HDAC9: variants seen among roughly 807,000 people sequenced by gnomAD.
HDAC9 encodes the protein MEF-2 interacting transcription repressor (MITR) protein.
Under a neutral mutation model 139.4 loss-of-function variants are expected in HDAC9, and 41 were observed. The ratio of observed to expected loss-of-function variants is 0.29; its 90% confidence interval spans 0.23 to 0.38. The LOEUF (loss-of-function observed/expected upper bound fraction) is 0.38. HDAC9 is among the 10% of genes least tolerant of loss of function. The pLI, the probability that HDAC9 is intolerant of heterozygous loss-of-function variation, is 1.00. For synonymous variants in HDAC9, 517 were observed against 476.2 expected (o/e 1.09, Z -1.12); for missense variants, 1,147 against 1,297.0 (o/e 0.88, Z 1.78).
At chr7:18,314,322 C>G (rs1260815410) in intron 1 of HDAC9, among the ~76,000 whole-genome samples, 2 of 152,144 alleles carry the variant, frequency 1.3e-5, no homozygotes, top group African/African-American at 4.8e-5. Context: ...GTTTCTAAAC[C>G]AAACCTATAA....
rs567403042 is a variant in HDAC9 at position 18,351,591 on chromosome 7, G to A, written c.-42+61076G>A. Among the ~76,000 whole-genome samples, 22 of 152,220 alleles carry A rather than the reference G, an allele frequency of 1.4e-4. No individual in the cohort carries two copies. In the East Asian group the frequency reaches 2.7e-3, roughly 19 times the overall value. On this transcript the variant is annotated intron_variant, in intron 1 of 3. Transcript: ENST00000413509. ...AAGTGAGGAAGTTAGGAACCAGGACGCTGAAGCTAAACTGAAGTTGAATCT... is the reference window on the plus strand; with the variant it reads ...AAGTGAGGAAGTTAGGAACCAGGACACTGAAGCTAAACTGAAGTTGAATCT...
intron 17 of HDAC9, among the ~76,000 whole-genome samples, chr7:18,802,787 T>C (rs911534998): frequency 1.3e-5 from 2 of 151,730 alleles, no homozygotes; most frequent in African/African-American, 4.8e-5. Context: ...ATTATATTTA[T>C]GATATTAATA....
At chr7:18,368,889 G>A (rs1287215336) in intron 1 of HDAC9, among the ~76,000 whole-genome samples, 1 of 152,046 alleles carries the variant, frequency 6.6e-6, no homozygotes, top group Non-Finnish European at 1.5e-5. Context: ...CCTGATGCTT[G>A]AATATATTGC....
At chr7:18,708,773 C>T (rs1784125078) in intron 12 of HDAC9, among the ~76,000 whole-genome samples, 2 of 152,122 alleles carry the variant, frequency 1.3e-5, no homozygotes, top group Middle Eastern at 3.2e-3. Context: ...GCTGATGTCT[C>T]TATGGACTCT....
At chr7:18,656,201 C>A (rs1791102673) in intron 11 of HDAC9, among the ~76,000 whole-genome samples, 1 of 152,034 alleles carries the variant, frequency 6.6e-6, no homozygotes, top group South Asian at 2.1e-4. Flanking sequence ...CCTCTTCCTG[C>A]AGGCAGAATT....
chr7:18,922,174 T>C (rs1027467656), intron 22 of HDAC9, among the ~76,000 whole-genome samples: 17 of 151,954 alleles, frequency 1.1e-4, no homozygotes, highest in African/African-American at 4.1e-4. Flanking sequence ...CACATGTATA[T>C]ATATGTAACA....
At chr7:18,365,435 C>T (rs1784105249) in intron 1 of HDAC9, among the ~76,000 whole-genome samples, 1 of 152,044 alleles carries the variant, frequency 6.6e-6, no homozygotes, top group South Asian at 2.1e-4. Context: ...TTCACCATCC[C>T]TGGTATAAAG....
At chr7:18,456,724 G>A (rs1203835458) in intron 1 of HDAC9, among the ~76,000 whole-genome samples, 2 of 152,094 alleles carry the variant, frequency 1.3e-5, no homozygotes, top group Non-Finnish European at 2.9e-5. Flanking sequence ...TATAAAATGG[G>A]AATAACAATC....
rs764957650 is a variant in HDAC9, at chr7:18,758,845, T to C, written c.2044-3312T>C. ...TCACTGCTCTCTTTCTGTAGAAACA[T>C]GTGCACTATGTTTGTGGGCTGTTCT... is the stretch of plus-strand genomic sequence containing the variant. On this transcript the variant is annotated intron_variant, in intron 14 of 25. Coordinates refer to ENST00000686413, the MANE Select transcript of HDAC9 (RefSeq NM_178425.4). Among the ~76,000 whole-genome samples the C allele has an allele frequency of 6.6e-5, 10 of 152,082 alleles. No homozygotes were observed. The South Asian group carries it at 1.5e-3, about 22-fold the overall frequency.
At chr7:18,128,686 T>A (rs185567654) in intron 1 of HDAC9, among the ~76,000 whole-genome samples, 1 of 151,892 alleles carries the variant, frequency 6.6e-6, no homozygotes, top group Admixed American at 6.6e-5. Flanking sequence ...ACAAAACAGA[T>A]GTATTCAAAA....
intron 2 of HDAC9, among the ~76,000 whole-genome samples, chr7:18,541,162 T>TTTTTTTC (rs1185704476): frequency 2.0e-5 from 3 of 149,614 alleles, no homozygotes; most frequent in Non-Finnish European, 3.0e-5. Context: ...TTTTTTTTTT[T>TTTTTTTC]TTTTCTGATT....
At chr7:18,769,243 A>G (rs1790081946) in intron 16 of HDAC9, among the ~76,000 whole-genome samples, 1 of 152,194 alleles carries the variant, frequency 6.6e-6, no homozygotes, top group Admixed American at 6.5e-5. Flanking sequence ...CAACTGCTCT[A>G]AACCCAAATT....
At chr7:18,816,624 G>C in intron 17 of HDAC9, among the ~76,000 whole-genome samples, 1 of 152,174 alleles carries the variant, frequency 6.6e-6, no homozygotes, top group East Asian at 1.9e-4. Flanking sequence ...GAAAGACTTC[G>C]TTTTCTCTCT....
At chr7:18,587,675 A>G (rs1239410887) in intron 3 of HDAC9, among the ~76,000 whole-genome samples, 1 of 152,240 alleles carries the variant, frequency 6.6e-6, no homozygotes, top group East Asian at 1.9e-4. Context: ...TTCCAAGGCT[A>G]CATAGCCAAT....
chr7:18,927,745 AC>A (rs916740342), intron 22 of HDAC9, among the ~76,000 whole-genome samples: 55 of 152,180 alleles, frequency 3.6e-4, no homozygotes, highest in African/African-American at 9.2e-4. Context: ...TAGAAGAGTT[AC>A]AAATTAATAC....
At chr7:18,473,843 C>T (rs1311160110) in intron 1 of HDAC9, among the ~76,000 whole-genome samples, 1 of 152,184 alleles carries the variant, frequency 6.6e-6, no homozygotes, top group Non-Finnish European at 1.5e-5. Context: ...AAATCAAACC[C>T]TTCAAATCTT....
At chr7:18,410,157 A>G (rs539935676) in intron 1 of HDAC9, among the ~76,000 whole-genome samples, 1 of 152,248 alleles carries the variant, frequency 6.6e-6, no homozygotes, top group African/African-American at 2.4e-5. Context: ...TACTTCATCC[A>G]TTGGCACTTG....
chr7:18,704,004 C>T (rs1783696544), intron 12 of HDAC9, among the ~76,000 whole-genome samples: 1 of 152,148 alleles, frequency 6.6e-6, no homozygotes, highest in Non-Finnish European at 1.5e-5. Context: ...CATTCCTGGA[C>T]TAGAGGAGGA....
intron 13 of HDAC9, among the ~76,000 whole-genome samples, chr7:18,728,402 AAC>A (rs56281287): frequency 0.072 from 10,431 of 145,408 alleles, 365 homozygotes; most frequent in East Asian, 0.093. Context: ...TTAAGTGTGG[AAC>A]ACACACACAC....
Sources: gnomAD v4.1 joint callset for allele counts (sites outside exome capture counted in the v4.1 genomes callset) on GRCh38, gnomAD v4.1.1 for gene constraint, MANE v1.5 for transcripts, NCBI Gene and HGNC (gene_info 2026-07-23, HGNC 2026-07-21) for gene names.